The following GRID1 variants were observed in gnomAD, a reference collection of about 807,000 sequenced individuals.
GRID1 encodes glutamate receptor ionotropic, delta-1.
In GRID1, 28 loss-of-function variants were observed where a neutral mutation model predicts 98.0. The ratio of observed to expected loss-of-function variants is 0.29; its 90% CI spans 0.21 to 0.39. The LOEUF (loss-of-function observed/expected upper bound fraction) is 0.39, where lower values mean the gene tolerates loss of function less well. Among genes scored for constraint, GRID1 ranks in the 10% least tolerant of loss-of-function variants. GRID1 has a pLI of 1.00. For synonymous variants in GRID1, 553 were observed against 538.5 expected, an observed-to-expected ratio of 1.03 and a Z score of -0.37; for missense variants, 1,111 against 1,340.5, an observed-to-expected ratio of 0.83 and a Z score of 2.67.
intron 3 of GRID1, among the ~76,000 whole-genome samples, chr10:86,142,949 A>C (rs769380825): frequency 6.6e-6 from 1 of 152,252 alleles, no homozygotes; most frequent in Non-Finnish European, 1.5e-5. Context: ...GTACACAAGA[A>C]CATGCAAACG....
At chr10:86,066,798 A>C (rs765731875) in intron 4 of GRID1, among the ~76,000 whole-genome samples, 10 of 152,158 alleles carry the variant, frequency 6.6e-5, no homozygotes, top group Non-Finnish European at 1.2e-4. Context: ...CTCCCCTTTA[A>C]GGAAATGTGC....
intron 5 of GRID1, among the ~76,000 whole-genome samples, chr10:85,874,583 T>C (rs1195190437): frequency 6.6e-6 from 1 of 152,220 alleles, no homozygotes; most frequent in Non-Finnish European, 1.5e-5. Flanking sequence ...TATTTTTTTA[T>C]TCTAGATACA....
rs368073783 is a variant in GRID1 at position 85,650,850 on chromosome 10, C to T, written c.1998-3453G>A. On this transcript the variant is annotated intron_variant, in intron 12 of 15. Coordinates refer to ENST00000327946, the MANE Select transcript of GRID1 (RefSeq NM_017551.3). The stretch of plus-strand genomic sequence containing the variant: ...TGGACACATACCAGGGAGCAATTCA[C>T]ATCAGCCAAAAATATGTAGGTGATG... Among the ~76,000 whole-genome samples, 56 of 152,322 alleles carry T rather than the reference C, an allele frequency of 3.7e-4. 1 individual carries two copies. The East Asian group carries it at 0.01, about 27-fold the overall frequency.
At chr10:86,076,165 A>G (rs992920877) in intron 4 of GRID1, among the ~76,000 whole-genome samples, 3 of 152,266 alleles carry the variant, frequency 2.0e-5, no homozygotes, top group Non-Finnish European at 4.4e-5. Context: ...ATGGGCAAAC[A>G]TTTTTAATAG....
intron 8 of GRID1, among the ~76,000 whole-genome samples, chr10:85,763,480 T>G (rs935585637): frequency 1.3e-5 from 2 of 152,226 alleles, no homozygotes; most frequent in African/African-American, 4.8e-5. Context: ...TAATGCAACT[T>G]ATCTCAGGAA....
At chr10:85,824,293 C>A (rs1377892653) in intron 8 of GRID1, among the ~76,000 whole-genome samples, 2 of 152,138 alleles carry the variant, frequency 1.3e-5, no homozygotes, top group Admixed American at 6.5e-5. Context: ...CTCACTGCAA[C>A]CTCCACCTCC....
At chr10:85,823,979 T>C (rs1411327558) in intron 8 of GRID1, among the ~76,000 whole-genome samples, 1 of 152,152 alleles carries the variant, frequency 6.6e-6, no homozygotes, top group Non-Finnish European at 1.5e-5. Flanking sequence ...AGAAAGTTCC[T>C]TGGGTAGGAA....
At chr10:85,816,007 A>C (rs1394772221) in intron 8 of GRID1, among the ~76,000 whole-genome samples, 1 of 152,058 alleles carries the variant, frequency 6.6e-6, no homozygotes, top group Non-Finnish European at 1.5e-5. Flanking sequence ...ATATATTATG[A>C]TAATAAATTG....
Position 86,067,399 on chromosome 10 carries a change from C to T in GRID1, c.726+71420G>A, listed in dbSNP as rs572517182. On this transcript the variant is annotated intron_variant, in intron 4 of 15. Coordinates refer to ENST00000327946, the MANE Select transcript of GRID1 (RefSeq NM_017551.3). ...GCCCTGTGGCTAGTCCAGGATATTG[C>T]GCACCAAGGGACTGCGTAAGTAAAG... 3.3e-5 allele frequency among the ~76,000 whole-genome samples: 5 copies of T among 152,246 alleles called. No individual in the cohort carries two copies. In the East Asian group the frequency reaches 9.7e-4, roughly 29 times the overall value.
At chr10:85,949,012 AGAAACCGTCT>A (rs1182634839) in intron 4 of GRID1, among the ~76,000 whole-genome samples, 1 of 152,158 alleles carries the variant, frequency 6.6e-6, no homozygotes, top group Non-Finnish European at 1.5e-5. Flanking sequence ...TGGAGAGGAG[AGAAACCGTCT>A]GGACATGATG....
At chr10:86,176,279 GCA>G (rs1845574148) in intron 3 of GRID1, among the ~76,000 whole-genome samples, 1 of 152,194 alleles carries the variant, frequency 6.6e-6, no homozygotes, top group Admixed American at 6.5e-5. Flanking sequence ...ATGAATAATA[GCA>G]CAGTGTTGGA....
chr10:85,725,868 C>A (rs896077357), intron 10 of GRID1, among the ~76,000 whole-genome samples: 1 of 152,250 alleles, frequency 6.6e-6, no homozygotes, highest in South Asian at 2.1e-4. Context: ...ACACTTGTCA[C>A]ACTGGCATCT....
intron 8 of GRID1, among the ~76,000 whole-genome samples, chr10:85,780,116 G>T (rs971977217): frequency 6.6e-6 from 1 of 152,142 alleles, no homozygotes; most frequent in Non-Finnish European, 1.5e-5. Flanking sequence ...GCTCTACCTC[G>T]CACCATGCTT....
At chr10:85,651,790 T>C (rs1306607732) in intron 12 of GRID1, among the ~76,000 whole-genome samples, 3 of 152,232 alleles carry the variant, frequency 2.0e-5, no homozygotes, top group Non-Finnish European at 4.4e-5. Context: ...GGTGCAAGCA[T>C]GTGTATCACT....
intron 8 of GRID1, among the ~76,000 whole-genome samples, chr10:85,775,137 T>C (rs1842316640): frequency 1.3e-5 from 2 of 152,152 alleles, no homozygotes; most frequent in South Asian, 4.1e-4. Context: ...CATGGAATAC[T>C]ATGCAGCCAT....
At chr10:85,987,925 T>TC (rs1284334865) in intron 4 of GRID1, among the ~76,000 whole-genome samples, 1 of 152,112 alleles carries the variant, frequency 6.6e-6, no homozygotes, top group Non-Finnish European at 1.5e-5. Flanking sequence ...AATGCCTACC[T>TC]CACCTCTAGC....
intron 12 of GRID1, among the ~76,000 whole-genome samples, chr10:85,684,289 A>G (rs998017461): frequency 6.6e-6 from 1 of 152,224 alleles, no homozygotes; most frequent in African/African-American, 2.4e-5. Context: ...TCATAACAAA[A>G]TCTGATAAAG....
At chr10:86,040,432 A>G (rs750334296) in intron 4 of GRID1, among the ~76,000 whole-genome samples, 3 of 151,942 alleles carry the variant, frequency 2.0e-5, no homozygotes, top group Non-Finnish European at 4.4e-5. Flanking sequence ...GTCATTTGTG[A>G]CAACATGGAT....
At chr10:85,782,621 T>C (rs1214919128) in intron 8 of GRID1, among the ~76,000 whole-genome samples, 1 of 152,112 alleles carries the variant, frequency 6.6e-6, no homozygotes, top group Non-Finnish European at 1.5e-5. Flanking sequence ...CCTTGAAAGA[T>C]TGGGGGCAGT....
Sources: gnomAD v4.1 joint callset for allele counts (sites outside exome capture counted in the v4.1 genomes callset) on GRCh38, gnomAD v4.1.1 for gene constraint, MANE v1.5 for transcripts, NCBI Gene and HGNC (gene_info 2026-07-23, HGNC 2026-07-21) for gene names.